Variants in POLG2 observed in about 807,000 individuals in gnomAD.
POLG2 encodes DNA polymerase gamma 2, accessory subunit.
In POLG2, 50 loss-of-function variants were observed where a neutral mutation model predicts 56.5. The ratio of observed to expected loss-of-function variants is 0.88; its 90% CI spans 0.71 to 1.12. POLG2 has a LOEUF of 1.12. POLG2 is among the 50% of genes most tolerant of loss of function. The pLI is 0.00. For synonymous variants in POLG2, 226 were observed against 222.6 expected, an observed-to-expected ratio of 1.02 and a Z score of -0.14; for missense variants, 584 against 583.3, an observed-to-expected ratio of 1.00 and a Z score of -0.01.
intron 3 of POLG2, among the ~76,000 whole-genome samples, chr17:64,492,190 C>T (rs1341046997): frequency 6.6e-6 from 1 of 152,144 alleles, no homozygotes; most frequent in Non-Finnish European, 1.5e-5. Flanking sequence ...TTATTTCATA[C>T]AGTTTAAATG....
At chr17:64,490,603 T>C in intron 4 of POLG2, 193 bp downstream of exon 4, 1 of 601,520 alleles carries the variant, frequency 1.7e-6, no homozygotes, top group Non-Finnish European at 3.0e-6. Context: ...TAGGGCTCTG[T>C]GGCAATAGTG....
intron 6 of POLG2, among the ~76,000 whole-genome samples, chr17:64,482,546 T>C (rs1163982277): frequency 6.6e-6 from 1 of 152,094 alleles, no homozygotes; most frequent in Non-Finnish European, 1.5e-5. Flanking sequence ...TCTCGATCTC[T>C]TGACCTCGTG....
chr17:64,482,789 A>C, intron 6 of POLG2, 130 bp downstream of exon 6: 1 of 661,320 alleles, frequency 1.5e-6, no homozygotes, highest in South Asian at 1.7e-5. Flanking sequence ...AACATTTAAG[A>C]TTTTGGATTT....
chr17:64,488,944 CAAAAAATA>C, intron 4 of POLG2, among the ~76,000 whole-genome samples: 1 of 150,092 alleles, frequency 6.7e-6, no homozygotes, highest in East Asian at 1.9e-4. Flanking sequence ...GATGCTGTCT[CAAAAAATA>C]AAAAAATAAA....
At chr17:64,495,083 CAGG>C (rs1295406139) in intron 1 of POLG2, among the ~76,000 whole-genome samples, 12 of 148,392 alleles carry the variant, frequency 8.1e-5, no homozygotes, top group Non-Finnish European at 4.4e-5. Flanking sequence ...GAGGCTGAGG[CAGG>C]AGAATGGCGT....
At chr17:64,478,805 G>A (rs868926622) in intron 7 of POLG2, among the ~76,000 whole-genome samples, 1 of 152,042 alleles carries the variant, frequency 6.6e-6, no homozygotes, top group Non-Finnish European at 1.5e-5. Context: ...GCTGAGGCAG[G>A]AGAATCGCTT....
At chr17:64,480,832 G>A (rs1308525107) in intron 6 of POLG2, among the ~76,000 whole-genome samples, 1 of 152,114 alleles carries the variant, frequency 6.6e-6, no homozygotes, top group African/African-American at 2.4e-5. Context: ...AAAAGGATGA[G>A]AAAAAGGAGA....
At position 64,496,497 on chromosome 17, in the gene POLG2, G is replaced by T; in HGVS notation, c.472C>A (p.Gln158Lys). 3.1e-6 allele frequency: 5 copies of T among 1,612,826 alleles called. No homozygotes were observed. The highest frequency in any genetic ancestry group is 1.3e-5 in the African/African-American group (1 of 74,972). ...TGTTCCTTACTCAGCTCTTTGTCTT[G>T]CAAGATTTCGCGTAGAGTTTCTGCA... ...VSAETLREIL[Q>K]DKELSKEQLV... The change falls in exon 1 of 8, where the codon CAA becomes AAA. Residue 158 changes from glutamine to lysine, a missense_variant. Transcript: ENST00000539111.
At chr17:64,487,660 T>C (rs1482624216) in intron 4 of POLG2, among the ~76,000 whole-genome samples, 1 of 149,972 alleles carries the variant, frequency 6.7e-6, no homozygotes, top group Non-Finnish European at 1.5e-5. Context: ...ACTGAAAGAT[T>C]CTGTGGTGCG....
At position 64,496,754 on chromosome 17, in the gene POLG2, ATC is replaced by A; in HGVS notation, c.213_214del (p.Glu71AspfsTer16). 1 of 1,613,656 alleles carries A rather than the reference ATC, an allele frequency of 6.2e-7. No individual in the cohort carries two copies. The highest frequency in any genetic ancestry group is 1.3e-5 in the African/African-American group (1 of 74,842). ...ACTTAGGAAATGCCTTCTCTGACAG[ATC>A]TCTAACAGCGCCTCGCTTCCCTCTC... On this transcript the variant is annotated frameshift_variant, in exon 1 of 8. Coordinates refer to ENST00000539111, the MANE Select transcript of POLG2 (RefSeq NM_007215.4). LOFTEE classifies it high-confidence loss of function.
Position 64,492,760 on chromosome 17 carries a change from C to T in POLG2, c.702G>A (p.Lys234=). ...TAAACCATACTAACGAAGCTTCAGT[C>T]TTCTCACCAATACTTTAGATATAAA... ...IRNGVKSIGE[K]TEASLVWFTP... The change falls in exon 3 of 8, where the codon AAG becomes AAA. Residue 234 remains lysine, a synonymous_variant. Transcript: ENST00000539111. 6.2e-7 allele frequency: 1 copy of T among 1,611,590 alleles called. No homozygotes were observed. Among genetic ancestry groups the T allele is most frequent in the South Asian group, 1.1e-5 (1 of 90,994 alleles).
chr17:64,493,477 T>C (rs1234801983), intron 1 of POLG2, among the ~76,000 whole-genome samples: 1 of 151,984 alleles, frequency 6.6e-6, no homozygotes, highest in African/African-American at 2.4e-5. Context: ...CCTGAGTTTT[T>C]AGTTTGAAGA....
intron 1 of POLG2, among the ~76,000 whole-genome samples, chr17:64,493,761 C>G (rs2038104725): frequency 6.6e-6 from 1 of 152,162 alleles, no homozygotes; most frequent in African/African-American, 2.4e-5. Flanking sequence ...GCTGGGATTA[C>G]AGGCGTGAGC....
rs1470283663 is a variant in POLG2, at chr17:64,497,001, T to A, written c.-33A>T. On this transcript the variant is annotated 5_prime_UTR_variant, in exon 1 of 8. An upstream start codon of the reference 5' UTR is lost. Transcript: ENST00000539111. ...CGAAGTTAAAGAGCACACTCTCCCA[T>A]CACTCAACGGATCCCAACAAGCCAC... The A allele has an allele frequency of 6.3e-7, 1 of 1,578,810 alleles. No individual in the cohort carries two copies. Among genetic ancestry groups the A allele is most frequent in the South Asian group, 1.1e-5 (1 of 90,610 alleles).
At chr17:64,479,255 C>T (rs1247544069) in intron 7 of POLG2, among the ~76,000 whole-genome samples, 1 of 149,590 alleles carries the variant, frequency 6.7e-6, no homozygotes, top group Non-Finnish European at 1.5e-5. Context: ...TTGATCTCAG[C>T]TCACTGCAAC....
chr17:64,488,414 C>A (rs1434215653), intron 4 of POLG2, among the ~76,000 whole-genome samples: 1 of 151,824 alleles, frequency 6.6e-6, no homozygotes, highest in Non-Finnish European at 1.5e-5. Context: ...AATAAAAGAA[C>A]AAAATAATCT....
intron 1 of POLG2, 80 bp downstream of exon 1, chr17:64,496,327 T>G (rs1367175553): frequency 1.1e-6 from 1 of 891,176 alleles, no homozygotes; most frequent in African/African-American, 1.7e-5. Context: ...ACAGGGCCAG[T>G]TGCAATCCCC....
intron 1 of POLG2, 138 bp downstream of exon 1, chr17:64,496,269 C>T (rs1456148060): frequency 1.6e-6 from 1 of 637,318 alleles, no homozygotes; most frequent in East Asian, 2.6e-5. Flanking sequence ...TTAATATATC[C>T]GACTACTTCA....
At position 64,497,050 on chromosome 17, in the gene POLG2, G is replaced by C; in HGVS notation, c.-82C>G. The C allele has an allele frequency of 2.9e-6, 4 of 1,401,432 alleles. No individual in the cohort carries two copies. Among genetic ancestry groups the C allele is most frequent in the Non-Finnish European group, 4.0e-6 (4 of 1,004,300 alleles). The allele number at this position is 1,401,432 out of a possible 1,614,324, so 86.8% of individuals were successfully genotyped here. A position where few individuals can be genotyped will look rare whatever the true frequency, so the allele number is the denominator to read the frequency against. On this transcript the variant is annotated 5_prime_UTR_variant, in exon 1 of 8. Transcript: ENST00000539111. ...ACCACTACCGTTAACAGAATCCGGA[G>C]AGGCCACGGCGCAGGCGCAACGGAG...
Sources: gnomAD v4.1 joint callset for allele counts (sites outside exome capture counted in the v4.1 genomes callset) on GRCh38, gnomAD v4.1.1 for gene constraint, MANE v1.5 for transcripts, NCBI Gene and HGNC (gene_info 2026-07-23, HGNC 2026-07-21) for gene names.